ADAMTS3: variants seen among roughly 807,000 people sequenced by gnomAD.
ADAMTS3 encodes A disintegrin and metalloproteinase with thrombospondin motifs 3.
A neutral mutation model predicts 129.0 loss-of-function variants in ADAMTS3; 73 were observed. The observed-to-expected ratio is 0.57, with a 90% CI of 0.47 to 0.69. The LOEUF is 0.69. ADAMTS3 is among the 30% of genes least tolerant of loss of function. ADAMTS3 has a pLI of 0.00. For synonymous variants in ADAMTS3, 477 were observed against 510.8 expected, an observed-to-expected ratio of 0.93 and a Z score of 0.89; for missense variants, 1,457 against 1,514.5, an observed-to-expected ratio of 0.96 and a Z score of 0.63.
Position 72,319,860 on chromosome 4 carries a change from A to G in ADAMTS3, c.1206T>C (p.His402=), listed in dbSNP as rs1385204914. 6.2e-7 allele frequency: 1 copy of G among 1,611,866 alleles called. No individual in the cohort carries two copies. The highest frequency in any genetic ancestry group is 8.5e-7 in the Non-Finnish European group (1 of 1,178,072). Residue 402 remains histidine (H), a splice_region_variant and synonymous_variant, in exon 8 of 22, where the codon CAT becomes CAC. Coordinates refer to ENST00000286657, the MANE Select transcript of ADAMTS3 (RefSeq NM_014243.3). ...TATAGCTGTCAGCAGTGACTTACAC[A>G]TGGCCCGTTTCATGGGCTACTACAA... ...SAFVVAHETG[H]VLGMEHDGQG...
At chr4:72,455,781 T>G (rs1011644151) in intron 3 of ADAMTS3, among the ~76,000 whole-genome samples, 1 of 139,576 alleles carries the variant, frequency 7.2e-6, no homozygotes, top group Non-Finnish European at 1.5e-5. Context: ...CCATTGTAAC[T>G]ACTTATATAT....
intron 3 of ADAMTS3, among the ~76,000 whole-genome samples, chr4:72,421,098 T>C (rs542211960): frequency 1.3e-5 from 2 of 152,316 alleles, no homozygotes; most frequent in African/African-American, 2.4e-5. Context: ...AACTGTCATA[T>C]AGGAAATTCC....
chr4:72,481,311 C>T (rs1405680010), intron 3 of ADAMTS3, among the ~76,000 whole-genome samples: 2 of 152,134 alleles, frequency 1.3e-5, no homozygotes, highest in Admixed American at 6.5e-5. Flanking sequence ...TTTACAGCTA[C>T]AGGAATCCAG....
At chr4:72,463,200 T>C (rs542318851) in intron 3 of ADAMTS3, among the ~76,000 whole-genome samples, 1 of 152,142 alleles carries the variant, frequency 6.6e-6, no homozygotes, top group South Asian at 2.1e-4. Context: ...CAATAGACTA[T>C]AAGGCATAGC....
In ADAMTS3 at chr4:72,470,538, G is replaced by C. The variant is rs117879980; in HGVS notation, c.505-55567C>G. On this transcript the variant is annotated intron_variant, in intron 3 of 21. Coordinates refer to ENST00000286657, the MANE Select transcript of ADAMTS3 (RefSeq NM_014243.3). The stretch of plus-strand genomic sequence containing the variant: ...AAATTATATCCATCTTCCTGTATAT[G>C]CATGACTTATAGTAATAGTTCTCGA... 1.6e-4 allele frequency among the ~76,000 whole-genome samples: 24 copies of C among 151,438 alleles called. No individual in the cohort carries two copies. In the East Asian group the frequency reaches 2.9e-3, roughly 18 times the overall value.
intron 3 of ADAMTS3, among the ~76,000 whole-genome samples, chr4:72,481,762 AT>A (rs1719442409): frequency 6.6e-6 from 1 of 152,130 alleles, no homozygotes; most frequent in Non-Finnish European, 1.5e-5. Flanking sequence ...GGTAGAAAAT[AT>A]TTGCAAATGA....
intron 3 of ADAMTS3, among the ~76,000 whole-genome samples, chr4:72,532,520 C>CGT (rs1553921368): frequency 6.8e-6 from 1 of 147,270 alleles, no homozygotes; most frequent in East Asian, 2.0e-4. Flanking sequence ...CACACACACA[C>CGT]GTATAACTTT....
intron 5 of ADAMTS3, among the ~76,000 whole-genome samples, chr4:72,329,414 G>A (rs568555354): frequency 8.5e-5 from 13 of 152,236 alleles, no homozygotes; most frequent in African/African-American, 2.6e-4. Context: ...AAGTGCGAAA[G>A]CTCAACATAT....
chr4:72,475,597 C>G (rs913557219), intron 3 of ADAMTS3, among the ~76,000 whole-genome samples: 4 of 151,834 alleles, frequency 2.6e-5, no homozygotes, highest in Non-Finnish European at 5.9e-5. Context: ...AAGAACTAAA[C>G]AGCTAGACAA....
At chr4:72,440,192 G>A in intron 3 of ADAMTS3, among the ~76,000 whole-genome samples, 1 of 151,904 alleles carries the variant, frequency 6.6e-6, no homozygotes, top group Admixed American at 6.6e-5. Context: ...ACAAATGAAA[G>A]ATGAGTTTCA....
chr4:72,391,472 G>A lies in ADAMTS3; in HGVS notation c.661+23343C>T, dbSNP rs1721594192. 2.0e-5 allele frequency among the ~76,000 whole-genome samples: 3 copies of A among 152,172 alleles called. No homozygotes were observed. The South Asian group carries it at 6.2e-4, about 32-fold the overall frequency. ...TCAGAGCAGCTGGGGTGTAGACAGT[G>A]AAAGAAATTGGTAAGTGAAAGCCCT... On this transcript the variant is annotated intron_variant, in intron 4 of 21. Transcript: ENST00000286657.
At chr4:72,392,252 G>A (rs965510630) in intron 4 of ADAMTS3, among the ~76,000 whole-genome samples, 1 of 152,140 alleles carries the variant, frequency 6.6e-6, no homozygotes, top group Non-Finnish European at 1.5e-5. Context: ...ATAGGCAGCT[G>A]TGTCTCTTAG....
intron 19 of ADAMTS3, among the ~76,000 whole-genome samples, chr4:72,293,574 A>G (rs1718731766): frequency 6.6e-6 from 1 of 152,178 alleles, no homozygotes; most frequent in South Asian, 2.1e-4. Context: ...AATCTTTTTT[A>G]TAAGAAAAAC....
intron 3 of ADAMTS3, among the ~76,000 whole-genome samples, chr4:72,467,958 A>G (rs920520537): frequency 7.9e-5 from 12 of 151,952 alleles, no homozygotes; most frequent in Non-Finnish European, 7.4e-5. Context: ...GCTATATTAT[A>G]TCATATATGC....
chr4:72,548,916 T>A, intron 2 of ADAMTS3, 32 bp from the exon 3 acceptor site: 1 of 1,579,058 alleles, frequency 6.3e-7, no homozygotes. Flanking sequence ...TGTCAAACCC[T>A]GTACAATAAG....
At chr4:72,401,467 T>G (rs1404974025) in intron 4 of ADAMTS3, among the ~76,000 whole-genome samples, 1 of 143,498 alleles carries the variant, frequency 7.0e-6, no homozygotes, top group Non-Finnish European at 1.5e-5. Context: ...CTTGGTAGGC[T>G]GAGGTAGGAG....
intron 3 of ADAMTS3, among the ~76,000 whole-genome samples, chr4:72,515,008 C>G (rs1255596065): frequency 1.3e-5 from 2 of 152,010 alleles, no homozygotes; most frequent in Non-Finnish European, 2.9e-5. Context: ...ACAACAGTCC[C>G]CAGAGTGTAA....
At chr4:72,492,365 C>T (rs1719770706) in intron 3 of ADAMTS3, among the ~76,000 whole-genome samples, 1 of 150,584 alleles carries the variant, frequency 6.6e-6, no homozygotes, top group African/African-American at 2.4e-5. Context: ...TCAATATAGG[C>T]ATTTATACCT....
At chr4:72,345,481 G>A (rs1387846306) in intron 4 of ADAMTS3, among the ~76,000 whole-genome samples, 2 of 152,114 alleles carry the variant, frequency 1.3e-5, no homozygotes, top group Non-Finnish European at 2.9e-5. Flanking sequence ...CTCCACATAT[G>A]TGGAGGCACT....
Sources: gnomAD v4.1 joint callset for allele counts (sites outside exome capture counted in the v4.1 genomes callset) on GRCh38, gnomAD v4.1.1 for gene constraint, MANE v1.5 for transcripts, NCBI Gene and HGNC (gene_info 2026-07-23, HGNC 2026-07-21) for gene names.